The following NKAIN3 variants were observed in gnomAD, a reference collection of about 807,000 sequenced individuals.
NKAIN3 encodes the protein sodium/potassium transporting ATPase interacting 3, also known as sodium/potassium-transporting ATPase subunit beta-1-interacting protein 3.
In NKAIN3, 25 loss-of-function variants were observed where a neutral mutation model predicts 30.2. The ratio of observed to expected loss-of-function variants is 0.83; its 90% confidence interval spans 0.60 to 1.16. NKAIN3 has a LOEUF of 1.16. NKAIN3 is among the 50% of genes most tolerant of loss of function. The probability of loss-of-function intolerance (pLI) is 0.00; values close to 1 mark genes in which losing one functional copy is unlikely to be tolerated. For synonymous variants in NKAIN3, 91 were observed against 89.6 expected (o/e 1.02, Z -0.09); for missense variants, 225 against 254.1 (o/e 0.89, Z 0.78).
intron 5 of NKAIN3, among the ~76,000 whole-genome samples, chr8:62,991,766 A>G (rs1432855865): frequency 6.6e-6 from 1 of 152,208 alleles, no homozygotes; most frequent in Non-Finnish European, 1.5e-5. Context: ...GATGAAAAAT[A>G]AAAGAAGACT....
chr8:62,778,043 T>C (rs1289332356), intron 4 of NKAIN3, among the ~76,000 whole-genome samples: 1 of 152,130 alleles, frequency 6.6e-6, no homozygotes, highest in Non-Finnish European at 1.5e-5. Context: ...CTTCCCTTAC[T>C]TTCCCCCAGA....
Position 62,803,334 on chromosome 8 carries a change from C to T in NKAIN3, c.471+56205C>T, listed in dbSNP as rs377450931. Among the ~76,000 whole-genome samples, 366 of 152,244 alleles carry T rather than the reference C, an allele frequency of 2.4e-3. 4 individuals carry two copies. In the East Asian group the frequency reaches 0.043, roughly 18 times the overall value. On this transcript the variant is annotated intron_variant, in intron 4 of 6. Transcript: ENST00000623646. ...ACATTTTTTTCAGCACCACACCACA[C>T]CTATTCCAAAATTGACCACATAGTT...
intron 4 of NKAIN3, among the ~76,000 whole-genome samples, chr8:62,781,489 A>T (rs1462599418): frequency 6.6e-6 from 1 of 151,986 alleles, no homozygotes; most frequent in Non-Finnish European, 1.5e-5. Context: ...AACTAAAAGA[A>T]CAAAGCTGGT....
At chr8:62,433,726 T>A (rs1805085651) in intron 1 of NKAIN3, among the ~76,000 whole-genome samples, 1 of 152,158 alleles carries the variant, frequency 6.6e-6, no homozygotes, top group South Asian at 2.1e-4. Context: ...ACCTAATAAT[T>A]TAAATTTTAT....
At chr8:62,501,869 A>T (rs143102318) in intron 1 of NKAIN3, among the ~76,000 whole-genome samples, 2,137 of 152,336 alleles carry the variant, frequency 0.014, 31 homozygotes, top group Non-Finnish European at 0.018. Flanking sequence ...TTTACTAACA[A>T]TATACCTATG....
intron 4 of NKAIN3, among the ~76,000 whole-genome samples, chr8:62,891,766 G>C (rs1304720617): frequency 6.6e-6 from 1 of 152,168 alleles, no homozygotes; most frequent in Non-Finnish European, 1.5e-5. Flanking sequence ...ACAAGATATA[G>C]TTTCAGCCTT....
At chr8:62,740,875 G>T (rs1168009998) in intron 3 of NKAIN3, among the ~76,000 whole-genome samples, 4 of 151,986 alleles carry the variant, frequency 2.6e-5, no homozygotes, top group African/African-American at 9.7e-5. Context: ...GGAAAAGGTA[G>T]ATACCATGGA....
chr8:62,664,981 G>C (rs1199767587), intron 3 of NKAIN3, among the ~76,000 whole-genome samples: 1 of 152,046 alleles, frequency 6.6e-6, no homozygotes, highest in Non-Finnish European at 1.5e-5. Flanking sequence ...TTTAATTCTA[G>C]AGACTTTTGA....
At chr8:62,415,153 CTATAGTATATTATATAATAT>C (rs1585782988) in intron 1 of NKAIN3, among the ~76,000 whole-genome samples, 2 of 133,700 alleles carry the variant, frequency 1.5e-5, no homozygotes, top group East Asian at 4.2e-4. Context: ...GTATTATATA[CTATAGTATATTATATAATAT>C]ATATTATATT....
At chr8:62,828,125 T>G (rs146392539) in intron 4 of NKAIN3, among the ~76,000 whole-genome samples, 575 of 152,264 alleles carry the variant, frequency 3.8e-3, no homozygotes, top group Non-Finnish European at 6.5e-3. Flanking sequence ...TATTGATATA[T>G]GCAATAACAT....
At chr8:62,785,274 C>T (rs908593352) in intron 4 of NKAIN3, among the ~76,000 whole-genome samples, 1 of 152,086 alleles carries the variant, frequency 6.6e-6, no homozygotes, top group African/African-American at 2.4e-5. Context: ...GTATACACTG[C>T]AATGTAGATA....
chr8:62,252,679 A>AT (rs1023036015), intron 1 of NKAIN3, among the ~76,000 whole-genome samples: 1 of 152,070 alleles, frequency 6.6e-6, no homozygotes, highest in East Asian at 1.9e-4. Flanking sequence ...ATGTGAAATA[A>AT]TTTTTTTTAA....
At chr8:62,825,019 G>T (rs1371086251) in intron 4 of NKAIN3, among the ~76,000 whole-genome samples, 3 of 152,166 alleles carry the variant, frequency 2.0e-5, no homozygotes, top group African/African-American at 7.2e-5. Flanking sequence ...GGGGAGTGGG[G>T]CAGGCAAGAA....
chr8:62,383,438 A>G lies in NKAIN3; in HGVS notation c.54+134311A>G. 6.6e-6 allele frequency: 3 copies of G among 451,514 alleles called. No homozygotes were observed. In the Admixed American group the frequency reaches 7.1e-5, roughly 11 times the overall value. 28.0% of individuals were successfully genotyped at this position (451,514 alleles called of 1,614,324 possible). A position where few individuals can be genotyped will look rare whatever the true frequency, so the allele number is the denominator to read the frequency against. ...ATCCTGGTGCTCACTGTTATTCCCT[A>G]CTAATAAATGCTCTTTGTGGCTTTT... is the stretch of plus-strand genomic sequence containing the variant. On this transcript the variant is annotated intron_variant, in intron 1 of 6. Transcript: ENST00000623646.
intron 1 of NKAIN3, among the ~76,000 whole-genome samples, chr8:62,567,775 A>G (rs1019366806): frequency 6.6e-6 from 1 of 152,148 alleles, no homozygotes; most frequent in Non-Finnish European, 1.5e-5. Context: ...CCTTGATTTT[A>G]GCCCATTGAG....
chr8:62,760,079 C>A (rs1465984299), intron 4 of NKAIN3, among the ~76,000 whole-genome samples: 1 of 152,088 alleles, frequency 6.6e-6, no homozygotes, highest in East Asian at 1.9e-4. Flanking sequence ...CAATGAGATA[C>A]CATCTCATGC....
chr8:62,877,709 T>A (rs1404464069), intron 4 of NKAIN3, among the ~76,000 whole-genome samples: 2 of 152,180 alleles, frequency 1.3e-5, no homozygotes, highest in African/African-American at 4.8e-5. Context: ...GGACGGCTTA[T>A]TTTCATATGA....
At chr8:62,799,595 T>A (rs1186222662) in intron 4 of NKAIN3, among the ~76,000 whole-genome samples, 3 of 152,180 alleles carry the variant, frequency 2.0e-5, no homozygotes, top group Non-Finnish European at 4.4e-5. Flanking sequence ...ACACTGTTGG[T>A]GGGAATGTAA....
intron 1 of NKAIN3, among the ~76,000 whole-genome samples, chr8:62,501,341 A>G (rs1192853930): frequency 6.6e-6 from 1 of 152,146 alleles, no homozygotes; most frequent in East Asian, 1.9e-4. Flanking sequence ...CTTTTTTAAA[A>G]TAATCACTTT....
Sources: allele counts gnomAD v4.1 joint callset (sites outside exome capture counted in the v4.1 genomes callset), GRCh38; gene constraint gnomAD v4.1.1; transcripts MANE v1.5; gene names NCBI Gene and HGNC (gene_info 2026-07-23, HGNC 2026-07-21).